MED27: variants seen among roughly 807,000 people sequenced by gnomAD.
The protein encoded by MED27 is mediator complex subunit 27.
A neutral mutation model predicts 38.2 loss-of-function variants in MED27; 30 were observed. The ratio of observed to expected loss-of-function variants is 0.79; its 90% CI spans 0.59 to 1.07. The LOEUF is 1.07. Ranked by LOEUF, MED27 falls within the 50% of genes least tolerant of loss-of-function variation. The pLI, the probability that MED27 is intolerant of heterozygous loss-of-function variation, is 0.00. For missense variants in MED27, 289 were observed against 397.5 expected (o/e 0.73, Z 2.32); for synonymous variants, 122 against 153.5 (o/e 0.79, Z 1.52).
intron 6 of MED27, among the ~76,000 whole-genome samples, chr9:131,873,607 T>C (rs911765583): frequency 6.6e-6 from 1 of 152,198 alleles, no homozygotes; most frequent in Non-Finnish European, 1.5e-5. Context: ...CCTCCTCTGC[T>C]TAATGAAGGA....
intron 2 of MED27, among the ~76,000 whole-genome samples, chr9:132,070,689 ATCTGCCTGGGGCAG>A (rs201327311): frequency 0.59 from 89,536 of 151,802 alleles, 27,778 homozygotes; most frequent in Non-Finnish European, 0.68. Flanking sequence ...GTGCACAAAT[ATCTGCCTGGGGCAG>A]AATATGCCCT....
intron 2 of MED27, among the ~76,000 whole-genome samples, chr9:132,076,548 C>A (rs1017265236): frequency 5.7e-4 from 87 of 152,116 alleles, no homozygotes; most frequent in African/African-American, 2.0e-3. Context: ...GGAAAAAAAA[C>A]CACAGAAACG....
At chr9:131,995,976 G>C (rs1832083705) in intron 3 of MED27, among the ~76,000 whole-genome samples, 1 of 152,132 alleles carries the variant, frequency 6.6e-6, no homozygotes, top group Non-Finnish European at 1.5e-5. Flanking sequence ...TAGACTTCAA[G>C]CATCCCCCTT....
At chr9:132,048,692 C>T (rs1268942983) in intron 2 of MED27, among the ~76,000 whole-genome samples, 2 of 152,198 alleles carry the variant, frequency 1.3e-5, no homozygotes, top group Non-Finnish European at 2.9e-5. Context: ...GTTCATCAAC[C>T]GCTCAGATAA....
intron 3 of MED27, among the ~76,000 whole-genome samples, chr9:131,978,348 C>A (rs1021960542): frequency 6.6e-6 from 1 of 152,120 alleles, no homozygotes; most frequent in African/African-American, 2.4e-5. Context: ...TTATTTGGAT[C>A]CCAATTCAAA....
At chr9:131,992,912 A>G (rs1416237146) in intron 3 of MED27, among the ~76,000 whole-genome samples, 4 of 152,206 alleles carry the variant, frequency 2.6e-5, no homozygotes, top group Non-Finnish European at 4.4e-5. Flanking sequence ...TCGCTGTATC[A>G]CAAACACGGT....
intron 2 of MED27, among the ~76,000 whole-genome samples, chr9:132,028,551 A>G (rs1832878610): frequency 6.6e-6 from 1 of 152,074 alleles, no homozygotes; most frequent in African/African-American, 2.4e-5. Context: ...GCATTGCATA[A>G]CTGCACAGCC....
chr9:132,046,738 G>A (rs1406622921), intron 2 of MED27, among the ~76,000 whole-genome samples: 1 of 152,142 alleles, frequency 6.6e-6, no homozygotes, highest in Non-Finnish European at 1.5e-5. Flanking sequence ...TCCAGTTAAA[G>A]GAACAGTAGT....
At chr9:132,014,599 T>C (rs1832562761) in intron 2 of MED27, 132 bp from the exon 3 acceptor site, 1 of 868,294 alleles carries the variant, frequency 1.2e-6, no homozygotes, top group African/African-American at 1.7e-5. Context: ...ATACAACTGC[T>C]CACATTCTGC....
chr9:132,012,817 T>G (rs1832512528), intron 3 of MED27, among the ~76,000 whole-genome samples: 1 of 152,126 alleles, frequency 6.6e-6, no homozygotes, highest in Admixed American at 6.5e-5. Context: ...ATGAAAAGCT[T>G]AACAAAGATG....
chr9:132,020,798 T>C (rs1241046658), intron 2 of MED27, among the ~76,000 whole-genome samples: 4 of 152,198 alleles, frequency 2.6e-5, no homozygotes, highest in African/African-American at 9.6e-5. Context: ...TATCAGATGA[T>C]GATATTAGCT....
intron 3 of MED27, among the ~76,000 whole-genome samples, chr9:132,001,041 G>A (rs973921335): frequency 5.3e-5 from 8 of 151,896 alleles, no homozygotes; most frequent in Admixed American, 1.3e-4. Flanking sequence ...TTGCAGCTGC[G>A]GTGAGCTATG....
intron 4 of MED27, among the ~76,000 whole-genome samples, chr9:131,912,899 A>C (rs1830217047): frequency 1.3e-5 from 2 of 152,320 alleles, no homozygotes; most frequent in South Asian, 4.1e-4. Context: ...CAATCAGACT[A>C]CTTAAAATTC....
intron 2 of MED27, among the ~76,000 whole-genome samples, chr9:132,017,705 T>TA (rs1193216653): frequency 6.6e-6 from 1 of 152,244 alleles, no homozygotes; most frequent in African/African-American, 2.4e-5. Flanking sequence ...CTGGATTTTT[T>TA]AGAGTATTTC....
At chr9:132,074,690 T>C (rs1261962625) in intron 2 of MED27, among the ~76,000 whole-genome samples, 1 of 152,256 alleles carries the variant, frequency 6.6e-6, no homozygotes, top group Non-Finnish European at 1.5e-5. Context: ...TTCTTGAGGC[T>C]ACTTTTTGTG....
chr9:131,973,365 T>G (rs555841670), intron 3 of MED27, among the ~76,000 whole-genome samples: 1 of 152,174 alleles, frequency 6.6e-6, no homozygotes, highest in East Asian at 1.9e-4. Context: ...GGCATGCATG[T>G]GATGTGTGAC....
chr9:131,908,713 T>A (rs1399983281), intron 4 of MED27, among the ~76,000 whole-genome samples: 1 of 151,994 alleles, frequency 6.6e-6, no homozygotes, highest in Non-Finnish European at 1.5e-5. Context: ...CTCCCTAATC[T>A]CAAGTACCCA....
intron 3 of MED27, among the ~76,000 whole-genome samples, chr9:131,990,178 A>C (rs1831941198): frequency 6.6e-6 from 1 of 152,052 alleles, no homozygotes; most frequent in Non-Finnish European, 1.5e-5. Context: ...TTCAAAGTCC[A>C]GCTCCAGTCT....
intron 2 of MED27, among the ~76,000 whole-genome samples, chr9:132,074,738 T>C (rs1589306290): frequency 6.6e-6 from 1 of 152,274 alleles, no homozygotes; most frequent in African/African-American, 2.4e-5. Context: ...CTCATCCTTG[T>C]TCTCCCTCTT....
Sources: allele counts gnomAD v4.1 joint callset (sites outside exome capture counted in the v4.1 genomes callset), GRCh38; gene constraint gnomAD v4.1.1; transcripts MANE v1.5; gene names NCBI Gene and HGNC (gene_info 2026-07-23, HGNC 2026-07-21).